PI4KB: variants seen among roughly 807,000 people sequenced by gnomAD.
PI4KB encodes PtdIns 4-kinase beta.
PI4KB carries 23 observed loss-of-function variants against 81.4 expected under a neutral mutation model. The ratio of observed to expected loss-of-function variants is 0.28; its 90% CI spans 0.20 to 0.40. PI4KB has a LOEUF of 0.40. Ranked by LOEUF, PI4KB falls within the 10% of genes least tolerant of loss-of-function variation. The probability of loss-of-function intolerance (pLI) is 1.00; values close to 1 mark genes in which losing one functional copy is unlikely to be tolerated. For missense variants in PI4KB, 651 were observed against 1,036.6 expected (o/e 0.63, Z 5.11); for synonymous variants, 381 against 406.8 (o/e 0.94, Z 0.76).
rs1447598009 is a variant in PI4KB at position 151,292,911 on chromosome 1, G to A, written c.2392C>T (p.Arg798Trp). ...TCATAGAGTTTGGTGGTGATAGACC[G>A]CATACTGCCATCCACCATCTGCTCC... ...LVEQMVDGSM[R>W]SITTKLYDGF... Residue 798 changes from arginine to tryptophan, a missense_variant, in exon 12 of 12, where the codon CGG becomes TGG. This residue lies in a region of PI4KB where 70 missense variants were observed against 108.1 expected (regional missense o/e 0.65). Coordinates refer to ENST00000368873, the MANE Select transcript of PI4KB (RefSeq NM_001369623.2). The A allele has an allele frequency of 1.1e-5, 18 of 1,614,000 alleles. No individual in the cohort carries two copies. Among genetic ancestry groups the A allele is most frequent in the Admixed American group, 1.7e-5 (1 of 59,994 alleles).
At chr1:151,304,525 A>G (rs1021656314) in intron 5 of PI4KB, among the ~76,000 whole-genome samples, 1 of 148,206 alleles carries the variant, frequency 6.7e-6, no homozygotes, top group Admixed American at 6.8e-5. Context: ...TTGTATTTTT[A>G]GTAGGAACGG....
chr1:151,304,844 CTTTT>C (rs1386693368), intron 5 of PI4KB, among the ~76,000 whole-genome samples: 1 of 102,466 alleles, frequency 9.8e-6, no homozygotes, highest in Non-Finnish European at 2.1e-5. Context: ...TTTTTTTTTT[CTTTT>C]GAGACGGAAT....
At chr1:151,326,273 C>T in intron 1 of PI4KB, 1 of 1,324,200 alleles carries the variant, frequency 7.6e-7, no homozygotes. Flanking sequence ...AAAACTTGCT[C>T]CGGCCTTCAG....
intron 2 of PI4KB, among the ~76,000 whole-genome samples, chr1:151,311,817 C>G (rs1180443646): frequency 1.3e-5 from 2 of 152,198 alleles, no homozygotes; most frequent in African/African-American, 4.8e-5. Flanking sequence ...GACATCACAC[C>G]ATATCAAGCT....
At chr1:151,323,422 G>A (rs1649135198) in intron 1 of PI4KB, among the ~76,000 whole-genome samples, 3 of 150,858 alleles carry the variant, frequency 2.0e-5, no homozygotes, top group South Asian at 2.1e-4. Context: ...CAGAACAATC[G>A]CTTAAACCTG....
chr1:151,315,448 T>A (rs1219833729), intron 2 of PI4KB, 125 bp downstream of exon 2: 1 of 720,284 alleles, frequency 1.4e-6, no homozygotes, highest in African/African-American at 1.7e-5. Flanking sequence ...CATTCCATGC[T>A]TTTATCAGTG....
chr1:151,313,831 T>G (rs1464254749), intron 2 of PI4KB, among the ~76,000 whole-genome samples: 1 of 152,228 alleles, frequency 6.6e-6, no homozygotes, highest in African/African-American at 2.4e-5. Flanking sequence ...GAAGTAGATA[T>G]TGAGAAATAA....
intron 3 of PI4KB, among the ~76,000 whole-genome samples, chr1:151,308,611 G>C (rs183517497): frequency 6.6e-6 from 1 of 152,280 alleles, no homozygotes; most frequent in East Asian, 1.9e-4. Flanking sequence ...ATTCCCTGCT[G>C]TGAGTTTGGC....
intron 9 of PI4KB, among the ~76,000 whole-genome samples, chr1:151,296,612 A>G (rs1468934835): frequency 6.6e-6 from 1 of 151,564 alleles, no homozygotes; most frequent in Non-Finnish European, 1.5e-5. Context: ...CTGGGAATAC[A>G]GGCGCCCGCC....
chr1:151,302,272 T>A lies in PI4KB; in HGVS notation c.1547A>T (p.His516Leu). The change falls in exon 7 of 12, where the codon CAT becomes CTT. Residue 516 changes from histidine (H) to leucine (L), a missense_variant. His to Leu is a moderately conservative substitution (Grantham distance 99, BLOSUM62 -3). Transcript: ENST00000368873. ...GTCTCGTTTGAAGGCTGTCGGGGTA[T>A]GAGCCAGCTGTTCCGAAAGGCGCCG... is the stretch of plus-strand genomic sequence containing the variant. ...IRRRLSEQLA[H>L]TPTAFKRDPE... The A allele has an allele frequency of 4.3e-6, 7 of 1,614,162 alleles. No homozygotes were observed. Among genetic ancestry groups the A allele is most frequent in the Non-Finnish European group, 5.1e-6 (6 of 1,180,020 alleles).
At chr1:151,321,471 G>A (rs957538919) in intron 1 of PI4KB, among the ~76,000 whole-genome samples, 5 of 151,632 alleles carry the variant, frequency 3.3e-5, no homozygotes, top group South Asian at 2.1e-4. Flanking sequence ...CGCAACCTCC[G>A]CCTCCCAGGT....
chr1:151,301,943 G>A lies in PI4KB; in HGVS notation c.1650C>T (p.Tyr550=), dbSNP rs376692465. Residue 550 remains tyrosine (Y), a synonymous_variant, in exon 8 of 12, where the codon TAC becomes TAT. Transcript: ENST00000368873. ...GGAGCCGCCAATTGGGGAGATGGCC[G>A]TAGGGGGAGCCCTCTCTGATCCGCC... The part of the protein sequence containing the change: ...KVRRIREGSP[Y]GHLPNWRLLS... The A allele has an allele frequency of 2.9e-5, 47 of 1,613,706 alleles. No homozygotes were observed. Among genetic ancestry groups the A allele is most frequent in the African/African-American group, 5.3e-5 (4 of 75,046 alleles).
intron 1 of PI4KB, among the ~76,000 whole-genome samples, chr1:151,320,363 T>C (rs1648672650): frequency 1.3e-5 from 2 of 152,260 alleles, no homozygotes; most frequent in Non-Finnish European, 2.9e-5. Context: ...CAATATCATA[T>C]AGTCCAGCTC....
Position 151,298,911 on chromosome 1 carries a change from G to T in PI4KB, c.1912C>A (p.His638Asn). ...LSLLDYFLQE[H>N]GSYTTEAFLS... ...AATGCCTCAGTGGTGTAACTGCCGT[G>T]CTCCTGTAGGAAGTAATCGAGCAAG... Residue 638 changes from histidine to asparagine, a missense_variant, in exon 9 of 12, where the codon CAC becomes AAC. Transcript: ENST00000368873. The T allele has an allele frequency of 6.2e-7, 1 of 1,614,162 alleles. No homozygotes were observed.
rs1052756337 is a variant in PI4KB at position 151,315,455 on chromosome 1, A to C, written c.909+118T>G. ...CATTCTAACATTCCATGCTTTTATC[A>C]GTGAAATGAAACAGGGAGGACAGAA... On this transcript the variant is annotated intron_variant, in intron 2 of 11. Coordinates refer to ENST00000368873, the MANE Select transcript of PI4KB (RefSeq NM_001369623.2). 3 of 730,890 alleles carry C rather than the reference A, an allele frequency of 4.1e-6. No homozygotes were observed. The African/African-American group carries it at 5.2e-5, about 13-fold the overall frequency. The allele number at this position is 730,890 out of a possible 1,614,324, so 45.3% of individuals were successfully genotyped here. A position where few individuals can be genotyped will look rare whatever the true frequency, so the allele number is the denominator to read the frequency against.
chr1:151,302,010 G>A (rs777301786), intron 7 of PI4KB, 43 bp from the exon 8 acceptor site: 14 of 1,611,748 alleles, frequency 8.7e-6, no homozygotes, highest in Non-Finnish European at 1.2e-5. Flanking sequence ...TGATGCCAGG[G>A]TGAGGACAAG....
chr1:151,313,532 C>T (rs1437168393), intron 2 of PI4KB, among the ~76,000 whole-genome samples: 3 of 152,170 alleles, frequency 2.0e-5, no homozygotes, highest in African/African-American at 4.8e-5. Context: ...TGACAAGAGG[C>T]ACCAAGGAAT....
intron 9 of PI4KB, among the ~76,000 whole-genome samples, chr1:151,294,864 A>G (rs746845603): frequency 2.6e-5 from 4 of 152,224 alleles, no homozygotes; most frequent in Non-Finnish European, 5.9e-5. Flanking sequence ...TAGAGAATCC[A>G]GAAGCAAGGA....
Position 151,302,254 on chromosome 1 carries a change from T to C in PI4KB, c.1565A>G (p.Lys522Arg), listed in dbSNP as rs776726452. The C allele has an allele frequency of 2.6e-5, 42 of 1,614,084 alleles. No individual in the cohort carries two copies. Among genetic ancestry groups the C allele is most frequent in the South Asian group, 1.8e-4 (16 of 91,090 alleles). Residue 522 changes from lysine (K) to arginine (R), a missense_variant, in exon 7 of 12, where the codon AAA (lysine) becomes AGA (arginine). Transcript: ENST00000368873. ...TGCAGAAGGATCTTCTGGGTCTCGTTTGAAGGCTGTCGGGGTATGAGCCAG... is the reference window on the plus strand; with the variant it reads ...TGCAGAAGGATCTTCTGGGTCTCGTCTGAAGGCTGTCGGGGTATGAGCCAG... Reference protein sequence around the residue: ...EQLAHTPTAFKRDPEDPSAVA... With the variant: ...EQLAHTPTAFRRDPEDPSAVA...
Sources: allele counts gnomAD v4.1 joint callset (sites outside exome capture counted in the v4.1 genomes callset), GRCh38; gene constraint gnomAD v4.1.1; regional missense constraint gnomAD v4.1.1; transcripts MANE v1.5; gene names NCBI Gene and HGNC (gene_info 2026-07-23, HGNC 2026-07-21).